The following AGR3 variants were observed in gnomAD, a reference collection of about 807,000 sequenced individuals.
AGR3 encodes the protein anterior gradient 3, protein disulphide isomerase family member.
In AGR3, 37 loss-of-function variants were observed where a neutral mutation model predicts 24.5. The ratio of observed to expected loss-of-function variants is 1.51; its 90% confidence interval spans 1.16 to 1.99. The LOEUF is 1.99. AGR3 is among the 30% of genes most tolerant of loss of function. The pLI, the probability that AGR3 is intolerant of heterozygous loss-of-function variation, is 0.00. For synonymous variants in AGR3, 75 were observed against 61.6 expected, an observed-to-expected ratio of 1.22 and a Z score of -1.02; for missense variants, 228 against 191.1, an observed-to-expected ratio of 1.19 and a Z score of -1.14.
intron 2 of AGR3, among the ~76,000 whole-genome samples, chr7:16,874,938 G>T (rs1186909824): frequency 6.6e-6 from 1 of 151,852 alleles, no homozygotes; most frequent in Admixed American, 6.6e-5. Flanking sequence ...TCAATACAGT[G>T]TAATCTGTCT....
intron 3 of AGR3, chr7:16,864,561 A>G: frequency 6.4e-6 from 9 of 1,414,446 alleles, no homozygotes; most frequent in Non-Finnish European, 9.0e-6. Flanking sequence ...GCCTTCCAAT[A>G]TCTTGGATAA....
chr7:16,873,464 G>A (rs1781923311), intron 3 of AGR3: 1 of 229,292 alleles, frequency 4.4e-6, no homozygotes, highest in African/African-American at 2.3e-5. Flanking sequence ...GGAAGGATAA[G>A]GAGAGGTTGA....
At chr7:16,880,293 T>G (rs1013424419) in intron 1 of AGR3, among the ~76,000 whole-genome samples, 5 of 151,568 alleles carry the variant, frequency 3.3e-5, no homozygotes, top group Non-Finnish European at 5.9e-5. Context: ...CCCAAGTACG[T>G]GGGACTACAG....
chr7:16,870,793 T>A (rs1781850037), intron 3 of AGR3, among the ~76,000 whole-genome samples: 1 of 152,158 alleles, frequency 6.6e-6, no homozygotes, highest in African/African-American at 2.4e-5. Flanking sequence ...TGCTCCTTAC[T>A]AATATGTTGT....
At chr7:16,854,922 A>G (rs1453574474), downstream of AGR3, among the ~76,000 whole-genome samples, 2 of 152,136 alleles carry the variant, frequency 1.3e-5, no homozygotes, top group Admixed American at 1.3e-4. Flanking sequence ...TCTTCTTTAT[A>G]TAAGGAACCC....
intron 3 of AGR3, 149 bp from the exon 4 acceptor site, chr7:16,862,811 G>A: frequency 3.6e-6 from 2 of 551,982 alleles, no homozygotes; most frequent in South Asian, 2.6e-5. Flanking sequence ...CAATAGCAGT[G>A]TTACTCTATT....
chr7:16,876,071 A>G (rs1781981620), intron 2 of AGR3, among the ~76,000 whole-genome samples: 1 of 152,216 alleles, frequency 6.6e-6, no homozygotes, highest in South Asian at 2.1e-4. Context: ...CTGCTGCATA[A>G]CTTACTCCAC....
intron 2 of AGR3, among the ~76,000 whole-genome samples, chr7:16,877,654 G>T (rs1002821575): frequency 1.6e-4 from 25 of 151,926 alleles, no homozygotes; most frequent in African/African-American, 5.8e-4. Context: ...ACAAGGTCAG[G>T]AGATCGAGAC....
downstream of AGR3, among the ~76,000 whole-genome samples, chr7:16,856,518 T>C (rs1781556963): frequency 6.6e-6 from 1 of 152,206 alleles, no homozygotes; most frequent in Non-Finnish European, 1.5e-5. Context: ...AAAATGTTGT[T>C]TATCCCTTAT....
At chr7:16,879,789 G>A (rs921947438) in intron 1 of AGR3, among the ~76,000 whole-genome samples, 3 of 152,172 alleles carry the variant, frequency 2.0e-5, no homozygotes, top group African/African-American at 7.2e-5. Context: ...CAATGTTTTG[G>A]CATTGGTAAA....
intron 3 of AGR3, chr7:16,865,127 CAG>C (rs1419944939): frequency 1.4e-6 from 1 of 737,794 alleles, no homozygotes; most frequent in African/African-American, 1.8e-5. Context: ...GGAAGAGAAA[CAG>C]AGAAACGTCT....
At chr7:16,860,726 G>A (rs1781624945) in intron 6 of AGR3, 143 bp from the exon 7 acceptor site, 3 of 608,942 alleles carry the variant, frequency 4.9e-6, no homozygotes, top group Non-Finnish European at 8.6e-6. Context: ...GCTGAAGTTT[G>A]GGCTTCAGCT....
chr7:16,864,344 T>C, intron 3 of AGR3: 2 of 1,352,302 alleles, frequency 1.5e-6, no homozygotes, highest in East Asian at 2.3e-5. Context: ...TGAGGCTGGC[T>C]GGCAGGCAGT....
chr7:16,860,324 A>G (rs1306867218), intron 7 of AGR3, 176 bp downstream of exon 7: 2 of 563,306 alleles, frequency 3.6e-6, no homozygotes, highest in Non-Finnish European at 6.3e-6. Context: ...GTTAAAATAG[A>G]TTCTGAGGTA....
intron 4 of AGR3, 151 bp from the exon 5 acceptor site, chr7:16,862,211 C>G (rs1781664446): frequency 1.1e-5 from 7 of 629,970 alleles, no homozygotes; most frequent in South Asian, 1.0e-4. Flanking sequence ...CACTTTGTCC[C>G]TCATTGGAAA....
chr7:16,857,590 C>T (rs1265460054), downstream of AGR3, among the ~76,000 whole-genome samples: 1 of 152,080 alleles, frequency 6.6e-6, no homozygotes, highest in Non-Finnish European at 1.5e-5. Flanking sequence ...CCAGTGCATT[C>T]TGATCTCTTA....
intron 3 of AGR3, among the ~76,000 whole-genome samples, chr7:16,870,027 G>C (rs952723367): frequency 2.0e-5 from 3 of 151,738 alleles, no homozygotes; most frequent in Non-Finnish European, 4.4e-5. Flanking sequence ...AGAGAGAATT[G>C]GCATTTTTAT....
At chr7:16,861,295 T>C in intron 6 of AGR3, 89 bp downstream of exon 6, 1 of 969,438 alleles carries the variant, frequency 1.0e-6, no homozygotes. Flanking sequence ...TTAAAAAGAA[T>C]AGTACTTGAA....
intron 4 of AGR3, 33 bp from the exon 5 acceptor site, chr7:16,862,093 T>A: frequency 6.5e-7 from 1 of 1,527,912 alleles, no homozygotes; most frequent in Non-Finnish European, 9.0e-7. Flanking sequence ...CAGTTAGTTT[T>A]AAGGATCAAG....
Sources: allele counts gnomAD v4.1 joint callset (sites outside exome capture counted in the v4.1 genomes callset), GRCh38; gene constraint gnomAD v4.1.1; transcripts MANE v1.5; gene names NCBI Gene and HGNC (gene_info 2026-07-23, HGNC 2026-07-21).